AGPAT5: variants seen among roughly 807,000 people sequenced by gnomAD.
AGPAT5 encodes 1-acyl-sn-glycerol-3-phosphate acyltransferase epsilon.
In AGPAT5, 46 loss-of-function variants were observed where a neutral mutation model predicts 45.6. The ratio of observed to expected loss-of-function variants is 1.01; its 90% CI spans 0.80 to 1.29. The LOEUF (loss-of-function observed/expected upper bound fraction) is 1.29, where lower values mean the gene tolerates loss of function less well. Ranked by LOEUF, AGPAT5 falls within the 50% of genes most tolerant of loss-of-function variation. The pLI is 0.00. For synonymous variants in AGPAT5, 272 were observed against 167.0 expected, an observed-to-expected ratio of 1.63 and a Z score of -4.85; for missense variants, 673 against 450.7, an observed-to-expected ratio of 1.49 and a Z score of -4.47.
rs1800898796 is a variant in AGPAT5, at chr8:6,732,579, A to C, written c.424A>C (p.Lys142Gln). The part of the protein sequence containing the change: ...YFAQHGGIYV[K>Q]RSAKFNEKEM... ...GTGGCAGCATGGAGGAATCTATGTA[A>C]AGCGCAGTGCCAAATTTAACGAGAA... Residue 142 changes from lysine (K) to glutamine (Q), a missense_variant, in exon 4 of 8, where the codon AAG (lysine) becomes CAG (glutamine). By Grantham distance (53) the Lys-to-Gln change is moderately conservative (BLOSUM62 1). Transcript: ENST00000285518. The C allele has an allele frequency of 6.2e-7, 1 of 1,609,082 alleles. No homozygotes were observed. Among genetic ancestry groups the C allele is most frequent in the Non-Finnish European group, 8.5e-7 (1 of 1,178,798 alleles).
chr8:6,715,206 A>T (rs965095288), intron 1 of AGPAT5, among the ~76,000 whole-genome samples: 1 of 152,194 alleles, frequency 6.6e-6, no homozygotes, highest in African/African-American at 2.4e-5. Context: ...TTACTGTGCC[A>T]TGCCAGGTTG....
chr8:6,717,379 G>T (rs1159819473), intron 1 of AGPAT5, among the ~76,000 whole-genome samples: 1 of 152,128 alleles, frequency 6.6e-6, no homozygotes, highest in Non-Finnish European at 1.5e-5. Flanking sequence ...AAAGAAAGGA[G>T]GGTGATGGTA....
In AGPAT5 at chr8:6,758,997, A is replaced by G. The variant is rs1412521991; in HGVS notation, c.*1609A>G. The stretch of plus-strand genomic sequence containing the variant: ...CCATGCCAGAGAATAAACTCTTTCA[A>G]GCATCATCTTTGAAGAGTCGTGTGG... On this transcript the variant is annotated 3_prime_UTR_variant, in exon 8 of 8. Coordinates refer to ENST00000285518, the MANE Select transcript of AGPAT5 (RefSeq NM_018361.5). The G allele has an allele frequency of 6.6e-6, 1 of 152,402 alleles. No homozygotes were observed. The highest frequency in any genetic ancestry group is 1.9e-4 in the East Asian group (1 of 5,206). The allele number at this position is 152,402 out of a possible 1,614,324, so 9.4% of individuals were successfully genotyped here.
chr8:6,732,243 A>C (rs945969907), intron 3 of AGPAT5, among the ~76,000 whole-genome samples: 10 of 152,224 alleles, frequency 6.6e-5, no homozygotes, highest in African/African-American at 2.4e-4. Context: ...AGTTAAATCC[A>C]TCTGATGGAT....
intron 4 of AGPAT5, 34 bp downstream of exon 4, chr8:6,732,684 G>T (rs374719910): frequency 1.3e-6 from 2 of 1,485,214 alleles, no homozygotes; most frequent in Non-Finnish European, 9.1e-7. Flanking sequence ...TTTCTTACCA[G>T]CTCTCAGTTT....
chr8:6,717,514 G>A (rs1800370201), intron 1 of AGPAT5, among the ~76,000 whole-genome samples: 1 of 152,204 alleles, frequency 6.6e-6, no homozygotes, highest in South Asian at 2.1e-4. Flanking sequence ...ACATAATTTA[G>A]CAGTGCAGAA....
intron 4 of AGPAT5, among the ~76,000 whole-genome samples, chr8:6,737,165 G>T (rs1315726261): frequency 1.3e-5 from 2 of 152,224 alleles, no homozygotes; most frequent in Non-Finnish European, 2.9e-5. Flanking sequence ...CAGACTGGCA[G>T]GTTCAAGAGG....
rs1456920967 is a variant in AGPAT5 at position 6,759,749 on chromosome 8, C to T, written c.*2361C>T. The T allele has an allele frequency of 3.3e-5, 5 of 152,206 alleles. No individual in the cohort carries two copies. The East Asian group carries it at 7.7e-4, about 23-fold the overall frequency. The allele number at this position is 152,206 out of a possible 1,614,324, so 9.4% of individuals were successfully genotyped here. On this transcript the variant is annotated 3_prime_UTR_variant, in exon 8 of 8. Coordinates refer to ENST00000285518, the MANE Select transcript of AGPAT5 (RefSeq NM_018361.5). ...AAAATAGGCTTAATGACTGGCCCTG[C>T]ATTCTTCACAATATTTTTCCCTAAG...
chr8:6,756,245 G>A (rs140637031), intron 7 of AGPAT5, among the ~76,000 whole-genome samples: 7 of 152,188 alleles, frequency 4.6e-5, no homozygotes, highest in African/African-American at 9.6e-5. Flanking sequence ...GAATAAAGGC[G>A]TTTTTGAGAC....
chr8:6,743,382 C>T (rs764953180), intron 5 of AGPAT5, among the ~76,000 whole-genome samples: 5 of 152,222 alleles, frequency 3.3e-5, no homozygotes, highest in Non-Finnish European at 5.9e-5. Context: ...TAGAGAGCTT[C>T]GCTTGACTGG....
chr8:6,756,951 A>G (rs911071739), intron 7 of AGPAT5, among the ~76,000 whole-genome samples: 11 of 152,268 alleles, frequency 7.2e-5, no homozygotes, highest in African/African-American at 2.7e-4. Flanking sequence ...TATTACATAT[A>G]CAATTCATGT....
chr8:6,720,786 C>T (rs1285978614), intron 1 of AGPAT5, among the ~76,000 whole-genome samples: 2 of 152,004 alleles, frequency 1.3e-5, no homozygotes, highest in Admixed American at 6.6e-5. Flanking sequence ...AGGAAAAACC[C>T]CTTGTTGTTT....
At chr8:6,714,149 C>A (rs1017021441) in intron 1 of AGPAT5, among the ~76,000 whole-genome samples, 3 of 152,150 alleles carry the variant, frequency 2.0e-5, no homozygotes, top group African/African-American at 7.2e-5. Flanking sequence ...ACCTATAGTC[C>A]TAACAAGAAT....
At position 6,740,440 on chromosome 8, in the gene AGPAT5, G is replaced by T. The variant is rs564937505; in HGVS notation, c.496-1221G>T. On this transcript the variant is annotated intron_variant, in intron 4 of 7. Coordinates refer to ENST00000285518, the MANE Select transcript of AGPAT5 (RefSeq NM_018361.5). The stretch of plus-strand genomic sequence containing the variant: ...TTTCTACATTTTCTTAACAGATCTG[G>T]TGAATCTTCATTATTAAATATAATT... 8.0e-5 allele frequency among the ~76,000 whole-genome samples: 12 copies of T among 149,478 alleles called. No homozygotes were observed. The South Asian group carries it at 2.5e-3, about 31-fold the overall frequency.
intron 7 of AGPAT5, 38 bp from the exon 8 acceptor site, chr8:6,757,125 A>C (rs1403107293): frequency 2.0e-6 from 3 of 1,511,554 alleles, no homozygotes; most frequent in African/African-American, 2.8e-5. Context: ...GAAATACTGA[A>C]GTGACTAAAA....
chr8:6,748,735 C>T (rs1160139945), intron 6 of AGPAT5, among the ~76,000 whole-genome samples: 2 of 152,148 alleles, frequency 1.3e-5, no homozygotes, highest in African/African-American at 4.8e-5. Flanking sequence ...AAACTCCTTA[C>T]CTCAGGTGAT....
At chr8:6,722,927 A>G (rs942461778) in intron 1 of AGPAT5, among the ~76,000 whole-genome samples, 6 of 152,222 alleles carry the variant, frequency 3.9e-5, no homozygotes, top group African/African-American at 1.4e-4. Context: ...AAAATTACTT[A>G]AAGAGTTATG....
At chr8:6,733,253 C>T (rs1484793913) in intron 4 of AGPAT5, among the ~76,000 whole-genome samples, 1 of 152,226 alleles carries the variant, frequency 6.6e-6, no homozygotes, top group African/African-American at 2.4e-5. Flanking sequence ...CTTGGGCTTT[C>T]TCTTTCAGTA....
intron 6 of AGPAT5, among the ~76,000 whole-genome samples, chr8:6,749,758 C>CA (rs1801598319): frequency 6.6e-6 from 1 of 152,174 alleles, no homozygotes; most frequent in African/African-American, 2.4e-5. Context: ...TAAGATTAAA[C>CA]AAGTGTTTAT....
Sources: gnomAD v4.1 joint callset for allele counts (sites outside exome capture counted in the v4.1 genomes callset) on GRCh38, gnomAD v4.1.1 for gene constraint, MANE v1.5 for transcripts, NCBI Gene and HGNC (gene_info 2026-07-23, HGNC 2026-07-21) for gene names.